COL19A1: variants seen among roughly 807,000 people sequenced by gnomAD.
COL19A1 encodes the protein collagen alpha-1(XIX) chain.
Under a neutral mutation model 190.2 loss-of-function variants are expected in COL19A1, and 159 were observed. The observed-to-expected ratio is 0.84, with a 90% confidence interval of 0.73 to 0.95. The LOEUF is 0.95. Among genes scored for constraint, COL19A1 ranks in the 40% least tolerant of loss-of-function variants. The pLI, the probability that COL19A1 is intolerant of heterozygous loss-of-function variation, is 0.00. For missense variants in COL19A1, 1,418 were observed against 1,431.9 expected (o/e 0.99, Z 0.16); for synonymous variants, 509 against 458.9 (o/e 1.11, Z -1.39).
At chr6:69,909,380 A>C (rs952680740) in intron 4 of COL19A1, among the ~76,000 whole-genome samples, 14 of 152,250 alleles carry the variant, frequency 9.2e-5, no homozygotes, top group Non-Finnish European at 1.9e-4. Context: ...AGACTTAATT[A>C]TAATTATAAT....
At chr6:70,105,565 C>T (rs1232980440) in intron 16 of COL19A1, among the ~76,000 whole-genome samples, 1 of 152,160 alleles carries the variant, frequency 6.6e-6, no homozygotes, top group African/African-American at 2.4e-5. Flanking sequence ...AGATGTTCCC[C>T]CTTAATTGTG....
intron 11 of COL19A1, among the ~76,000 whole-genome samples, chr6:70,019,685 A>C (rs1327001363): frequency 1.3e-5 from 2 of 152,126 alleles, no homozygotes; most frequent in South Asian, 2.1e-4. Context: ...AGAATGATTT[A>C]TTTTATTTGT....
chr6:70,075,496 T>G (rs1781829887), intron 15 of COL19A1, among the ~76,000 whole-genome samples: 1 of 152,232 alleles, frequency 6.6e-6, no homozygotes, highest in African/African-American at 2.4e-5. Context: ...GCAGCGAGGA[T>G]AGTCCTTTAC....
At chr6:70,127,705 A>G (rs1245533763) in intron 17 of COL19A1, among the ~76,000 whole-genome samples, 1 of 152,180 alleles carries the variant, frequency 6.6e-6, no homozygotes, top group Non-Finnish European at 1.5e-5. Flanking sequence ...ACATCAGAAG[A>G]GTTTGTGCAG....
At chr6:69,932,953 T>G (rs1477468075) in intron 7 of COL19A1, 90 bp downstream of exon 7, 1 of 810,030 alleles carries the variant, frequency 1.2e-6, no homozygotes, top group African/African-American at 1.8e-5. Flanking sequence ...AGGGTAGCAC[T>G]GAGTGTGTTC....
intron 9 of COL19A1, among the ~76,000 whole-genome samples, chr6:69,946,187 A>ATAT (rs1385729833): frequency 9.9e-5 from 15 of 152,040 alleles, no homozygotes; most frequent in Admixed American, 9.9e-4. Flanking sequence ...CTCATTTATC[A>ATAT]TATTAATTGA....
chr6:70,104,118 A>G (rs1286445970), intron 16 of COL19A1, among the ~76,000 whole-genome samples: 1 of 152,088 alleles, frequency 6.6e-6, no homozygotes, highest in Non-Finnish European at 1.5e-5. Flanking sequence ...TGTCCTATTA[A>G]CAATGCATTG....
intron 40 of COL19A1, 138 bp downstream of exon 40, chr6:70,168,819 A>C: frequency 1.2e-6 from 1 of 800,212 alleles, no homozygotes; most frequent in Non-Finnish European, 2.0e-6. Flanking sequence ...AGGCCACAAT[A>C]TAAATGCCAG....
intron 13 of COL19A1, 150 bp from the exon 14 acceptor site, chr6:70,035,754 C>A (rs1316729369): frequency 1.7e-6 from 1 of 600,778 alleles, no homozygotes; most frequent in Admixed American, 3.0e-5. Context: ...GATATATTTT[C>A]TTTATGCAGA....
chr6:70,017,320 C>G (rs138838669), intron 11 of COL19A1, among the ~76,000 whole-genome samples: 115 of 152,204 alleles, frequency 7.6e-4, no homozygotes, highest in African/African-American at 2.7e-3. Flanking sequence ...TTTTCTGGGA[C>G]TACAAGAGTG....
chr6:70,197,348 G>A (rs1054243685), intron 48 of COL19A1, among the ~76,000 whole-genome samples: 9 of 151,908 alleles, frequency 5.9e-5, no homozygotes, highest in East Asian at 3.9e-4. Context: ...GCGTGAACCC[G>A]GGAGACGGAG....
chr6:70,176,420 G>A, intron 41 of COL19A1, 100 bp from the exon 42 acceptor site: 2 of 1,260,390 alleles, frequency 1.6e-6, no homozygotes, highest in East Asian at 2.6e-5. Flanking sequence ...CAGATCCAAA[G>A]GAAAGCTTTA....
rs527993508 is a variant in COL19A1, at chr6:69,951,235, A to T, written c.937-8761A>T. ...CTTACTCTCTAATTTAGAGCATGAC[A>T]CTTGGTCTCTCTAAATGTCAGTTTT... On this transcript the variant is annotated intron_variant, in intron 9 of 50. Coordinates refer to ENST00000620364, the MANE Select transcript of COL19A1 (RefSeq NM_001858.6). Among the ~76,000 whole-genome samples, 74 of 152,020 alleles carry T rather than the reference A, an allele frequency of 4.9e-4. 3 individuals are homozygous for T. The South Asian group carries it at 0.015, about 31-fold the overall frequency.
chr6:70,093,051 C>T (rs1014874489), intron 15 of COL19A1, among the ~76,000 whole-genome samples: 18 of 152,206 alleles, frequency 1.2e-4, no homozygotes, highest in Admixed American at 9.8e-4. Flanking sequence ...ATTTTGTTGA[C>T]TCTAAACCTA....
intron 13 of COL19A1, among the ~76,000 whole-genome samples, chr6:70,035,541 A>G (rs1226067075): frequency 6.6e-6 from 1 of 152,232 alleles, no homozygotes; most frequent in South Asian, 2.1e-4. Flanking sequence ...TAACTTTGTC[A>G]GACAAATTAT....
At chr6:70,155,160 G>C (rs997953016) in intron 31 of COL19A1, among the ~76,000 whole-genome samples, 15 of 152,068 alleles carry the variant, frequency 9.9e-5, no homozygotes, top group African/African-American at 3.6e-4. Context: ...CTATTCATTA[G>C]GTCAAAAATA....
At chr6:70,172,090 A>G (rs1045255512) in intron 41 of COL19A1, 73 bp downstream of exon 41, 82 of 1,423,772 alleles carry the variant, frequency 5.8e-5, no homozygotes, top group Non-Finnish European at 7.7e-5. Flanking sequence ...TAATGTGCCA[A>G]AAACTGTTTT....
Position 70,137,633 on chromosome 6 carries a change from A to G in COL19A1, c.1384-52A>G, listed in dbSNP as rs1226988899. ...AATCATTCTGTATCTGACAGTCACAATAATGCTTCTCTAACCATCTGCAAA... is the reference window on the plus strand; with the variant it reads ...AATCATTCTGTATCTGACAGTCACAGTAATGCTTCTCTAACCATCTGCAAA... On this transcript the variant is annotated intron_variant, in intron 18 of 50. Coordinates refer to ENST00000620364, the MANE Select transcript of COL19A1 (RefSeq NM_001858.6). 34 of 1,540,716 alleles carry G rather than the reference A, an allele frequency of 2.2e-5. No homozygotes were observed. In the East Asian group the frequency reaches 4.0e-4, roughly 18 times the overall value.
chr6:69,904,656 G>A (rs1228558821), intron 4 of COL19A1, among the ~76,000 whole-genome samples: 3 of 152,214 alleles, frequency 2.0e-5, no homozygotes, highest in Non-Finnish European at 4.4e-5. Flanking sequence ...GGGTGAGCCT[G>A]CAGTGGTGGA....
Sources: allele counts gnomAD v4.1 joint callset (sites outside exome capture counted in the v4.1 genomes callset), GRCh38; gene constraint gnomAD v4.1.1; transcripts MANE v1.5; gene names NCBI Gene and HGNC (gene_info 2026-07-23, HGNC 2026-07-21).